FILIP1L: variants seen among roughly 807,000 people sequenced by gnomAD.
FILIP1L encodes filamin A-interacting protein 1-like.
In FILIP1L, 55 loss-of-function variants were observed where a neutral mutation model predicts 96.6. That is an observed-to-expected ratio of 0.57 (90% CI 0.46 to 0.71). The LOEUF (loss-of-function observed/expected upper bound fraction) is 0.71. Ranked by LOEUF, FILIP1L falls within the 30% of genes least tolerant of loss-of-function variation. FILIP1L has a pLI of 0.00. For synonymous variants in FILIP1L, 467 were observed against 473.9 expected, an observed-to-expected ratio of 0.99 and a Z score of 0.19; for missense variants, 1,304 against 1,321.2, an observed-to-expected ratio of 0.99 and a Z score of 0.20.
intron 5 of FILIP1L, among the ~76,000 whole-genome samples, chr3:99,846,001 C>A (rs185230232): frequency 3.1e-4 from 47 of 152,294 alleles, no homozygotes; most frequent in Non-Finnish European, 5.6e-4. Flanking sequence ...TAATAGAACA[C>A]AAGACTTATG....
chr3:99,944,124 C>T (rs536917547), intron 1 of FILIP1L, among the ~76,000 whole-genome samples: 4 of 152,276 alleles, frequency 2.6e-5, no homozygotes, highest in African/African-American at 7.2e-5. Context: ...GAGGAGAGTA[C>T]ATTACTCAGG....
intron 1 of FILIP1L, among the ~76,000 whole-genome samples, chr3:99,982,534 G>C (rs910595339): frequency 6.6e-6 from 1 of 151,956 alleles, no homozygotes; most frequent in African/African-American, 2.4e-5. Context: ...TAGAATAAGA[G>C]TCTCTCACTC....
intron 3 of FILIP1L, chr3:99,925,926 C>T: frequency 1.0e-6 from 1 of 978,120 alleles, no homozygotes; most frequent in Non-Finnish European, 1.2e-6. Flanking sequence ...ACCAGAAAAA[C>T]ATGTTGGCAA....
intron 1 of FILIP1L, among the ~76,000 whole-genome samples, chr3:100,064,105 C>T (rs1576009524): frequency 6.6e-6 from 1 of 152,020 alleles, no homozygotes; most frequent in Non-Finnish European, 1.5e-5. Context: ...TTCAGAGAAC[C>T]CAGAAGAATG....
intron 1 of FILIP1L, among the ~76,000 whole-genome samples, chr3:100,054,807 C>T (rs976516827): frequency 7.9e-5 from 12 of 152,004 alleles, no homozygotes; most frequent in African/African-American, 2.9e-4. Flanking sequence ...ACCTTGCCCC[C>T]TCTCTCTCAC....
intron 1 of FILIP1L, among the ~76,000 whole-genome samples, chr3:99,952,112 A>C (rs1708193491): frequency 6.6e-6 from 1 of 152,052 alleles, no homozygotes; most frequent in Non-Finnish European, 1.5e-5. Flanking sequence ...GATTTGGCAC[A>C]GGCATCACCA....
chr3:100,056,654 C>G (rs1242866914), intron 1 of FILIP1L, among the ~76,000 whole-genome samples: 1 of 151,644 alleles, frequency 6.6e-6, no homozygotes, highest in Admixed American at 6.6e-5. Context: ...CAATAAATGT[C>G]TTATTGCTTT....
chr3:99,981,014 GA>G (rs1463606480), intron 1 of FILIP1L, among the ~76,000 whole-genome samples: 1 of 152,140 alleles, frequency 6.6e-6, no homozygotes, highest in African/African-American at 2.4e-5. Flanking sequence ...TGAGAATGAA[GA>G]GACAATTGGT....
chr3:100,066,960 T>C (rs1434399511), intron 1 of FILIP1L, among the ~76,000 whole-genome samples: 1 of 152,196 alleles, frequency 6.6e-6, no homozygotes, highest in Non-Finnish European at 1.5e-5. Context: ...AATATTTGTC[T>C]TCTTTAGAAG....
chr3:99,984,062 G>GTGTGTGTGTGTGTGTGTT (rs1424250163), intron 1 of FILIP1L, among the ~76,000 whole-genome samples: 13 of 151,714 alleles, frequency 8.6e-5, no homozygotes, highest in African/African-American at 2.7e-4. Context: ...ATGTGTGTTT[G>GTGTGTGTGTGTGTGTGTT]TGTGTGTGTG....
At chr3:100,026,091 C>T (rs2064915342) in intron 1 of FILIP1L, among the ~76,000 whole-genome samples, 1 of 151,974 alleles carries the variant, frequency 6.6e-6, no homozygotes, top group Non-Finnish European at 1.5e-5. Context: ...TTTCAAGAAG[C>T]TTTTCTTTTT....
At chr3:100,045,631 C>T (rs1013145729) in intron 1 of FILIP1L, among the ~76,000 whole-genome samples, 3 of 152,132 alleles carry the variant, frequency 2.0e-5, no homozygotes, top group Admixed American at 2.0e-4. Flanking sequence ...GGTTCTTCAT[C>T]TTGGTGGGTT....
chr3:99,931,083 A>G, intron 1 of FILIP1L, 53 bp from the exon 2 acceptor site: 1 of 1,466,990 alleles, frequency 6.8e-7, no homozygotes. Context: ...AGTTTTAATA[A>G]GAGTACCTAT....
At chr3:100,053,859 G>A (rs1451070363) in intron 1 of FILIP1L, among the ~76,000 whole-genome samples, 2 of 152,030 alleles carry the variant, frequency 1.3e-5, no homozygotes, top group East Asian at 1.9e-4. Context: ...TGCCCCCTGG[G>A]GCCAGATTTT....
At chr3:99,934,285 T>G (rs549759442) in intron 1 of FILIP1L, among the ~76,000 whole-genome samples, 48 of 152,356 alleles carry the variant, frequency 3.2e-4, no homozygotes, top group Non-Finnish European at 1.5e-5. Context: ...AGGAATTAAC[T>G]GCAGCCATCT....
Position 99,850,135 on chromosome 3 carries a change from G to A in FILIP1L, c.1541C>T (p.Thr514Ile), listed in dbSNP as rs922119415. 10 of 1,611,754 alleles carry A rather than the reference G, an allele frequency of 6.2e-6. No homozygotes were observed. The highest frequency in any genetic ancestry group is 8.5e-6 in the Non-Finnish European group (10 of 1,179,598). ...AGAAGCAGCTTGTAATTTATCTTCA[G>A]TTTTCTTTAATTTTTCACTCATTGT... The part of the protein sequence containing the change: ...RKTMSEKLKK[T>I]EDKLQAASSQ... The change falls in exon 5 of 6, where the codon ACT (threonine) becomes ATT (isoleucine). Residue 514 changes from threonine (T) to isoleucine (I), a missense_variant. By Grantham distance (89) the Thr-to-Ile change is moderately conservative. Transcript: ENST00000477258.
intron 4 of FILIP1L, among the ~76,000 whole-genome samples, chr3:99,885,523 T>C (rs998826988): frequency 1.3e-5 from 2 of 152,246 alleles, no homozygotes; most frequent in African/African-American, 4.8e-5. Context: ...ATTTAAAATT[T>C]AGCACAAGTT....
At chr3:100,030,926 TA>T (rs1422606453) in intron 1 of FILIP1L, among the ~76,000 whole-genome samples, 2 of 152,200 alleles carry the variant, frequency 1.3e-5, no homozygotes, top group African/African-American at 4.8e-5. Flanking sequence ...ATGAAAAATA[TA>T]TAGATTTGCA....
chr3:100,098,720 G>A (rs944822763), intron 1 of FILIP1L, among the ~76,000 whole-genome samples: 4 of 152,180 alleles, frequency 2.6e-5, no homozygotes, highest in Non-Finnish European at 1.5e-5. Flanking sequence ...AATGTTGAAT[G>A]TCATTGCCGT....
Sources: allele counts gnomAD v4.1 joint callset (sites outside exome capture counted in the v4.1 genomes callset), GRCh38; gene constraint gnomAD v4.1.1; transcripts MANE v1.5; gene names NCBI Gene and HGNC (gene_info 2026-07-23, HGNC 2026-07-21).